The following AUH variants were observed in gnomAD, a reference collection of about 807,000 sequenced individuals.
The protein encoded by AUH is AU RNA binding methylglutaconyl-CoA hydratase.
AUH carries 29 observed loss-of-function variants against 42.3 expected under a neutral mutation model. The observed-to-expected ratio is 0.69, with a 90% CI of 0.51 to 0.93. The LOEUF (loss-of-function observed/expected upper bound fraction) is 0.93, where lower values mean the gene tolerates loss of function less well. Among genes scored for constraint, AUH ranks in the 40% least tolerant of loss-of-function variants. The pLI is 0.00. For synonymous variants in AUH, 174 were observed against 166.4 expected (o/e 1.05, Z -0.35); for missense variants, 452 against 438.1 (o/e 1.03, Z -0.28).
At chr9:91,340,151 A>C (rs905123963) in intron 3 of AUH, among the ~76,000 whole-genome samples, 2 of 152,238 alleles carry the variant, frequency 1.3e-5, no homozygotes, top group African/African-American at 4.8e-5. Flanking sequence ...CGCTATGACC[A>C]GCAGGAATAG....
intron 4 of AUH, among the ~76,000 whole-genome samples, chr9:91,319,511 C>T (rs1189999868): frequency 6.6e-6 from 1 of 152,204 alleles, no homozygotes; most frequent in African/African-American, 2.4e-5. Context: ...GAAAGGCAGT[C>T]TCCTCGAAAT....
At chr9:91,314,654 C>T (rs1829007131) in intron 4 of AUH, among the ~76,000 whole-genome samples, 1 of 152,006 alleles carries the variant, frequency 6.6e-6, no homozygotes, top group Non-Finnish European at 1.5e-5. Context: ...CACAGAGAAA[C>T]CTCAGAGGCT....
intron 3 of AUH, among the ~76,000 whole-genome samples, chr9:91,355,418 G>A (rs1439596267): frequency 1.2e-4 from 18 of 152,104 alleles, no homozygotes; most frequent in Admixed American, 6.6e-5. Context: ...TTAGCTAGGC[G>A]AGGTGGCAGG....
intron 7 of AUH, 110 bp downstream of exon 7, chr9:91,220,695 T>A: frequency 8.2e-7 from 1 of 1,214,152 alleles, no homozygotes; most frequent in Non-Finnish European, 1.2e-6. Context: ...ATCCCTTTAC[T>A]TGGAAGCAAG....
chr9:91,349,230 C>T (rs1831763816), intron 3 of AUH, among the ~76,000 whole-genome samples: 1 of 152,164 alleles, frequency 6.6e-6, no homozygotes, highest in African/African-American at 2.4e-5. Flanking sequence ...TTAGTCATAA[C>T]ATAATTTACT....
chr9:91,291,375 G>A lies in AUH; in HGVS notation c.655+4646C>T, dbSNP rs926936130. ...CAGCCACTATCTTTCTATCTTCTAG[G>A]ATTAATCACATCCTCATTACCAACA... On this transcript the variant is annotated intron_variant, in intron 6 of 9. Transcript: ENST00000375731. Among the ~76,000 whole-genome samples, 3 of 152,134 alleles carry A rather than the reference G, an allele frequency of 2.0e-5. No homozygotes were observed. In the East Asian group the frequency reaches 5.8e-4, roughly 29 times the overall value.
chr9:91,298,430 T>C (rs911122105), intron 4 of AUH, among the ~76,000 whole-genome samples: 16 of 152,236 alleles, frequency 1.1e-4, no homozygotes, highest in African/African-American at 3.6e-4. Context: ...AAAGTTCAAA[T>C]TGAAATGACT....
chr9:91,276,825 T>C (rs1038650357), intron 6 of AUH, among the ~76,000 whole-genome samples: 2 of 152,146 alleles, frequency 1.3e-5, no homozygotes, highest in Admixed American at 1.3e-4. Context: ...TGGAAGACAA[T>C]GGGTTTATAA....
At chr9:91,327,252 C>A (rs1029171407) in intron 3 of AUH, among the ~76,000 whole-genome samples, 2 of 152,190 alleles carry the variant, frequency 1.3e-5, no homozygotes, top group Non-Finnish European at 2.9e-5. Context: ...CCCCAGCAGA[C>A]AGGGATGTGT....
At chr9:91,345,509 G>A (rs1044613201) in intron 3 of AUH, among the ~76,000 whole-genome samples, 1 of 152,102 alleles carries the variant, frequency 6.6e-6, no homozygotes, top group Non-Finnish European at 1.5e-5. Flanking sequence ...ACCTGAACAT[G>A]GTAACAGACA....
At chr9:91,308,704 A>C (rs1314266650) in intron 4 of AUH, among the ~76,000 whole-genome samples, 1 of 152,202 alleles carries the variant, frequency 6.6e-6, no homozygotes, top group Non-Finnish European at 1.5e-5. Context: ...AAAAAGACAC[A>C]GTGAACATAA....
intron 3 of AUH, among the ~76,000 whole-genome samples, chr9:91,336,395 C>G (rs1366681295): frequency 2.0e-5 from 3 of 152,028 alleles, no homozygotes; most frequent in Admixed American, 6.5e-5. Context: ...TTTGGGAGGC[C>G]AAGGCGGGTG....
At chr9:91,266,855 T>C (rs1013885080) in intron 6 of AUH, among the ~76,000 whole-genome samples, 4 of 152,170 alleles carry the variant, frequency 2.6e-5, no homozygotes, top group Non-Finnish European at 5.9e-5. Context: ...AACATAAACA[T>C]ATATTTTAAG....
chr9:91,292,274 T>G (rs1468617784), intron 6 of AUH, among the ~76,000 whole-genome samples: 1 of 118,940 alleles, frequency 8.4e-6, no homozygotes, highest in Middle Eastern at 4.0e-3. Context: ...GGGAACCCTC[T>G]TTTTTTTTTT....
intron 6 of AUH, among the ~76,000 whole-genome samples, chr9:91,267,704 G>C (rs80034036): frequency 0.022 from 3,328 of 152,044 alleles, 201 homozygotes; most frequent in East Asian, 0.21. Flanking sequence ...AGGGAGCCTC[G>C]GTCTATGATT....
chr9:91,232,615 A>G (rs961206410), intron 6 of AUH, among the ~76,000 whole-genome samples: 9 of 152,244 alleles, frequency 5.9e-5, no homozygotes, highest in Admixed American at 1.3e-4. Context: ...ATCAGCAAGC[A>G]GAAACTGAGT....
At chr9:91,227,236 G>A (rs1359989885) in intron 6 of AUH, among the ~76,000 whole-genome samples, 3 of 149,308 alleles carry the variant, frequency 2.0e-5, no homozygotes, top group Non-Finnish European at 3.0e-5. Context: ...CTTGAGCAGC[G>A]GTTTGTAGTT....
At chr9:91,293,428 G>C (rs907143977) in intron 6 of AUH, among the ~76,000 whole-genome samples, 4 of 152,230 alleles carry the variant, frequency 2.6e-5, no homozygotes, top group African/African-American at 7.2e-5. Flanking sequence ...AAGCAGAATA[G>C]CCTTATTGCT....
intron 3 of AUH, among the ~76,000 whole-genome samples, chr9:91,342,050 C>A (rs143197156): frequency 6.6e-6 from 1 of 152,314 alleles, no homozygotes; most frequent in South Asian, 2.1e-4. Context: ...AGACCTGACA[C>A]ACTTGGTATC....
Sources: allele counts gnomAD v4.1 joint callset (sites outside exome capture counted in the v4.1 genomes callset), GRCh38; gene constraint gnomAD v4.1.1; transcripts MANE v1.5; gene names NCBI Gene and HGNC (gene_info 2026-07-23, HGNC 2026-07-21).